The following ZNF573 variants were observed in gnomAD, a reference collection of about 807,000 sequenced individuals.
ZNF573 encodes zinc finger protein 573.
Under a neutral mutation model 57.4 loss-of-function variants are expected in ZNF573, and 41 were observed. That is an observed-to-expected ratio of 0.71 (90% CI 0.56 to 0.93). ZNF573 has a LOEUF of 0.93. Ranked by LOEUF, ZNF573 falls within the 40% of genes least tolerant of loss-of-function variation. The pLI, the probability that ZNF573 is intolerant of heterozygous loss-of-function variation, is 0.00. For synonymous variants in ZNF573, 249 were observed against 261.0 expected, an observed-to-expected ratio of 0.95 and a Z score of 0.44; for missense variants, 730 against 794.8, an observed-to-expected ratio of 0.92 and a Z score of 0.98.
chr19:37,767,385 C>G (rs751448770), intron 4 of ZNF573, among the ~76,000 whole-genome samples: 22 of 152,092 alleles, frequency 1.4e-4, no homozygotes, highest in Non-Finnish European at 2.1e-4. Flanking sequence ...CCCGCCACCA[C>G]GCCCACCTAA....
At chr19:37,757,418 C>T (rs1259636931) in intron 4 of ZNF573, among the ~76,000 whole-genome samples, 1 of 151,640 alleles carries the variant, frequency 6.6e-6, no homozygotes, top group African/African-American at 2.4e-5. Context: ...ATGATGGTCT[C>T]GATCTCCCGA....
intron 4 of ZNF573, chr19:37,740,602 A>G (rs761049562): frequency 2.2e-5 from 10 of 457,098 alleles, no homozygotes; most frequent in Non-Finnish European, 3.1e-5. Context: ...ACTGTTCTTA[A>G]AATAAAATAC....
intron 4 of ZNF573, among the ~76,000 whole-genome samples, chr19:37,755,473 T>C (rs2045478900): frequency 6.6e-6 from 1 of 152,292 alleles, no homozygotes; most frequent in Middle Eastern, 3.4e-3. Context: ...CTTTAATCTC[T>C]AACAAGAACA....
intron 4 of ZNF573, among the ~76,000 whole-genome samples, chr19:37,741,004 G>C (rs1009610752): frequency 7.2e-5 from 11 of 152,156 alleles, no homozygotes; most frequent in Non-Finnish European, 5.9e-5. Context: ...AAAAATATAT[G>C]TTTGATCTGA....
intron 4 of ZNF573, among the ~76,000 whole-genome samples, chr19:37,754,118 T>C (rs2045464601): frequency 6.6e-6 from 1 of 152,212 alleles, no homozygotes; most frequent in Non-Finnish European, 1.5e-5. Flanking sequence ...TCTAAAGAAG[T>C]AATTCATGTA....
At chr19:37,746,548 T>C (rs1222341212) in intron 4 of ZNF573, among the ~76,000 whole-genome samples, 2 of 152,122 alleles carry the variant, frequency 1.3e-5, no homozygotes, top group East Asian at 1.9e-4. Context: ...TATGTAAGCA[T>C]ACATCGGCGA....
intron 4 of ZNF573, among the ~76,000 whole-genome samples, chr19:37,767,047 T>C (rs2045607446): frequency 6.6e-6 from 1 of 152,154 alleles, no homozygotes; most frequent in Non-Finnish European, 1.5e-5. Flanking sequence ...AGGGAGGGTG[T>C]ACATACAAGT....
Position 37,770,047 on chromosome 19 carries a change from T to C in ZNF573, c.253A>G (p.Lys85Glu). ...TCCCTCAAAATCATCCAGGGCTCTT[T>C]TCCTCGCTCCAGTAAATCAACCACA... is the stretch of plus-strand genomic sequence containing the variant. ...PVVVDLLERG[K>E]EPWMILREET... The change falls in exon 4 of 5, where the codon AAA becomes GAA. Residue 85 changes from lysine (K) to glutamate (E), a missense_variant. Coordinates refer to ENST00000536220, the MANE Select transcript of ZNF573 (RefSeq NM_001172690.2). The C allele has an allele frequency of 6.4e-7, 1 of 1,552,072 alleles. No homozygotes were observed. Among genetic ancestry groups the C allele is most frequent in the Non-Finnish European group, 8.7e-7 (1 of 1,147,226 alleles).
intron 4 of ZNF573, among the ~76,000 whole-genome samples, chr19:37,753,962 T>G (rs1240620440): frequency 1.3e-5 from 2 of 152,186 alleles, no homozygotes; most frequent in Non-Finnish European, 2.9e-5. Context: ...TCACAATATA[T>G]TTCTCCTGAT....
At chr19:37,749,458 G>C (rs12974225) in intron 4 of ZNF573, among the ~76,000 whole-genome samples, 2 of 151,714 alleles carry the variant, frequency 1.3e-5, no homozygotes, top group Non-Finnish European at 2.9e-5. Flanking sequence ...AATAATAGTA[G>C]GTTTATATCC....
intron 4 of ZNF573, among the ~76,000 whole-genome samples, chr19:37,752,589 CTGAGAG>C (rs1341489847): frequency 1.3e-5 from 2 of 152,066 alleles, no homozygotes; most frequent in East Asian, 3.9e-4. Flanking sequence ...TTGCCAGAGG[CTGAGAG>C]TGAGAGGATA....
At chr19:37,762,946 T>C (rs187767274) in intron 4 of ZNF573, among the ~76,000 whole-genome samples, 1 of 151,984 alleles carries the variant, frequency 6.6e-6, no homozygotes, top group Non-Finnish European at 1.5e-5. Flanking sequence ...TAATTTTTTA[T>C]GTTTTTGGTA....
chr19:37,769,598 C>T (rs1020372079), intron 4 of ZNF573, among the ~76,000 whole-genome samples: 33 of 151,596 alleles, frequency 2.2e-4, no homozygotes, highest in African/African-American at 7.0e-4. Context: ...CGGTGGCACA[C>T]GCCTGTAATT....
chr19:37,746,699 C>T (rs1480953838), intron 4 of ZNF573, among the ~76,000 whole-genome samples: 2 of 152,074 alleles, frequency 1.3e-5, no homozygotes, highest in Non-Finnish European at 2.9e-5. Context: ...CCTGCCTCAG[C>T]CTCCCAAGTA....
rs1324491664 is a variant in ZNF573, at chr19:37,769,992, CTGCCTT to C, written c.295+7_295+12del. On this transcript the variant is annotated splice_region_variant and intron_variant, in intron 4 of 4. Transcript: ENST00000536220. ...CTGTGGCCGGCCCTGATGGTGTCCC[CTGCCTT>C]CCTTACCTGTGAACTGTGTTTCTTC... 5 of 1,549,818 alleles carry C rather than the reference CTGCCTT, an allele frequency of 3.2e-6. No homozygotes were observed. The highest frequency in any genetic ancestry group is 4.4e-6 in the Non-Finnish European group (5 of 1,145,660).
chr19:37,742,397 G>A (rs535708279), intron 4 of ZNF573, among the ~76,000 whole-genome samples: 1 of 152,300 alleles, frequency 6.6e-6, no homozygotes, highest in Admixed American at 6.5e-5. Context: ...GAACAAAGCT[G>A]GAGGCATCAT....
At chr19:37,767,645 G>A (rs1472994212) in intron 4 of ZNF573, among the ~76,000 whole-genome samples, 1 of 152,094 alleles carries the variant, frequency 6.6e-6, no homozygotes, top group Admixed American at 6.6e-5. Flanking sequence ...TTGACTTACT[G>A]GCTGTTGTGC....
chr19:37,757,468 A>AT (rs2145304593), intron 4 of ZNF573, among the ~76,000 whole-genome samples: 1 of 152,236 alleles, frequency 6.6e-6, no homozygotes, highest in South Asian at 2.1e-4. Flanking sequence ...AAGTGCTGGG[A>AT]TTACAGGCGT....
At chr19:37,743,841 A>T (rs2045351288) in intron 4 of ZNF573, among the ~76,000 whole-genome samples, 1 of 152,350 alleles carries the variant, frequency 6.6e-6, no homozygotes, top group Middle Eastern at 3.4e-3. Flanking sequence ...CTTTGCAGGG[A>T]CATGCATGAA....
Sources: gnomAD v4.1 joint callset for allele counts (sites outside exome capture counted in the v4.1 genomes callset) on GRCh38, gnomAD v4.1.1 for gene constraint, MANE v1.5 for transcripts, NCBI Gene and HGNC (gene_info 2026-07-23, HGNC 2026-07-21) for gene names.